Variants in NAP1L1 observed in about 807,000 individuals in gnomAD.
NAP1L1 encodes the protein nucleosome assembly protein 1 like 1.
In NAP1L1, 9 loss-of-function variants were observed where a neutral mutation model predicts 58.9. That is an observed-to-expected ratio of 0.15 (90% CI 0.09 to 0.27). The LOEUF (loss-of-function observed/expected upper bound fraction) is 0.27. NAP1L1 is among the 10% of genes least tolerant of loss of function. NAP1L1 has a pLI of 1.00. For synonymous variants in NAP1L1, 130 were observed against 138.3 expected (o/e 0.94, Z 0.42); for missense variants, 302 against 458.8 (o/e 0.66, Z 3.12).
chr12:76,054,353 G>A (rs1948978724), intron 8 of NAP1L1, among the ~76,000 whole-genome samples: 1 of 152,132 alleles, frequency 6.6e-6, no homozygotes, highest in African/African-American at 2.4e-5. Flanking sequence ...GAATGGGACA[G>A]ACTGTCAGAT....
chr12:76,074,121 A>T, intron 2 of NAP1L1, 82 bp downstream of exon 2: 1 of 1,181,056 alleles, frequency 8.5e-7, no homozygotes, highest in Admixed American at 1.8e-5. Context: ...TTCATAATAT[A>T]TAATTCATAC....
chr12:76,066,760 C>G (rs1359470123), intron 4 of NAP1L1, among the ~76,000 whole-genome samples: 1 of 152,076 alleles, frequency 6.6e-6, no homozygotes, highest in Non-Finnish European at 1.5e-5. Context: ...GGCTTCCACA[C>G]TCTATGTAGG....
rs561129547 is a variant in NAP1L1, at chr12:76,036,918, C to CA, written c.*11510dup. ...TGAAACCCCGTCTCTACTAAAAATA[C>CA]AAAAAAAAAAAAAACCCACAGCGCC... is the stretch of plus-strand genomic sequence containing the variant. On this transcript the variant is annotated 3_prime_UTR_variant, in exon 15 of 15. Transcript: ENST00000618691. The CA allele has an allele frequency of 0.06, 7,165 of 118,934 alleles. 451 individuals are homozygous for CA. Among genetic ancestry groups the CA allele is most frequent in the African/African-American group, 0.18 (5,948 of 33,740 alleles). The allele number at this position is 118,934 out of a possible 1,614,324, so 7.4% of individuals were successfully genotyped here.
chr12:76,057,240 A>G, intron 6 of NAP1L1: 1 of 254,386 alleles, frequency 3.9e-6, no homozygotes, highest in South Asian at 4.8e-5. Context: ...CAGTGAGCCA[A>G]GATCATGCCA....
At chr12:76,060,509 T>C (rs1239161827) in intron 4 of NAP1L1, among the ~76,000 whole-genome samples, 1 of 152,366 alleles carries the variant, frequency 6.6e-6, no homozygotes, top group East Asian at 1.9e-4. Context: ...ATGTAAATCA[T>C]ATTGTCAACC....
At chr12:76,084,221 G>A (rs1950522529) in intron 1 of NAP1L1, 1 of 152,264 alleles carries the variant, frequency 6.6e-6, no homozygotes, top group South Asian at 2.1e-4. Flanking sequence ...CGGTCCTCGC[G>A]GCGCAGCCGA....
intron 6 of NAP1L1, chr12:76,057,400 A>AT (rs1949160819): frequency 2.2e-6 from 1 of 463,246 alleles, no homozygotes; most frequent in African/African-American, 2.0e-5. Flanking sequence ...AAAAGGAAAA[A>AT]TATTTCCTAG....
rs1948735395 is a variant in NAP1L1 at position 76,049,777 on chromosome 12, T to C, written c.1068A>G (p.Glu356=). 6.2e-7 allele frequency: 1 copy of C among 1,612,944 alleles called. No individual in the cohort carries two copies. The highest frequency in any genetic ancestry group is 1.3e-5 in the African/African-American group (1 of 75,000). Reference sequence around the variant, plus strand: ...TTACCTCATCCGCTTCTTCACCTTCTTCATCATACTGAAAAGGAAAAACAG... The same window carrying C: ...TTACCTCATCCGCTTCTTCACCTTCCTCATCATACTGAAAAGGAAAAACAG... The part of the protein sequence containing the change: ...AIEDDDDDYD[E]EGEEADEEGE... Residue 356 remains glutamate (E), a synonymous_variant, in exon 13 of 15, where the codon GAA becomes GAG. Coordinates refer to ENST00000618691, the MANE Select transcript of NAP1L1 (RefSeq NM_004537.7).
intron 1 of NAP1L1, among the ~76,000 whole-genome samples, chr12:76,075,747 A>G (rs920543030): frequency 1.3e-5 from 2 of 152,224 alleles, no homozygotes; most frequent in Admixed American, 6.5e-5. Flanking sequence ...TGTCTACCAC[A>G]TCATCAATAA....
chr12:76,079,611 A>T (rs1225507377), intron 1 of NAP1L1, among the ~76,000 whole-genome samples: 1 of 152,236 alleles, frequency 6.6e-6, no homozygotes, highest in Non-Finnish European at 1.5e-5. Context: ...ACTTTATAAT[A>T]AAAGGTTCAT....
Position 76,055,012 on chromosome 12 carries a change from C to T in NAP1L1, c.630+7G>A. 2 of 1,590,556 alleles carry T rather than the reference C, an allele frequency of 1.3e-6. No homozygotes were observed. The highest frequency in any genetic ancestry group is 1.1e-5 in the South Asian group (1 of 87,466). On this transcript the variant is annotated splice_region_variant and intron_variant, in intron 8 of 14. Coordinates refer to ENST00000618691, the MANE Select transcript of NAP1L1 (RefSeq NM_004537.7). The stretch of plus-strand genomic sequence containing the variant: ...ACAAAATTATAAATATTTCAAAGTT[C>T]TTTTACCATAGGCTGGCCAGCATCT...
At chr12:76,050,718 G>T in intron 11 of NAP1L1, 65 bp from the exon 12 acceptor site, 1 of 1,539,980 alleles carries the variant, frequency 6.5e-7, no homozygotes, top group Non-Finnish European at 8.8e-7. Flanking sequence ...TTTGGCACAT[G>T]TAAGACTCTT....
At position 76,053,265 on chromosome 12, in the gene NAP1L1, G is replaced by A. The variant is rs960661050; in HGVS notation, c.856C>T (p.Arg286Cys). 5 of 1,613,862 alleles carry A rather than the reference G, an allele frequency of 3.1e-6. No homozygotes were observed. The highest frequency in any genetic ancestry group is 1.3e-5 in the African/African-American group (1 of 74,920). The change falls in exon 10 of 15, where the codon CGT (arginine) becomes TGT (cysteine). Residue 286 changes from arginine (R) to cysteine (C), a missense_variant. Coordinates refer to ENST00000618691, the MANE Select transcript of NAP1L1 (RefSeq NM_004537.7). ...TTGGAAACTGTTTTAGTCACAGTAC[G>A]AACTGTCCCACGTCCCTTGTGTTTC... The part of the protein sequence containing the change: ...KQKHKGRGTV[R>C]TVTKTVSNDS...
rs189943005 is a variant in NAP1L1, at chr12:76,073,158, T to G, written c.17+1045A>C. Among the ~76,000 whole-genome samples, 347 of 152,088 alleles carry G rather than the reference T, an allele frequency of 2.3e-3. 1 individual carries two copies. The highest frequency in any genetic ancestry group is 3.6e-3 in the Non-Finnish European group (245 of 67,972). ...CAGAATGCATAAGTCACTCATCTGT[T>G]TTTTTTTAATGCTGAAGATAAAATG... On this transcript the variant is annotated intron_variant, in intron 2 of 14. Coordinates refer to ENST00000618691, the MANE Select transcript of NAP1L1 (RefSeq NM_004537.7).
Position 76,050,651 on chromosome 12 carries a change from A to T in NAP1L1, c.939T>A (p.Asp313Glu), listed in dbSNP as rs375560258. 6.3e-7 allele frequency: 1 copy of T among 1,595,602 alleles called. No individual in the cohort carries two copies. Among genetic ancestry groups the T allele is most frequent in the African/African-American group, 1.4e-5 (1 of 73,686 alleles). ...CAGCAAGGATAGCTTCAGCATCATC[A>T]TCCTATTTTTAAAGGAAAACAAAAG... is the stretch of plus-strand genomic sequence containing the variant. Reference protein sequence around the residue: ...PPEVPESGDLDDDAEAILAAD... With the variant: ...PPEVPESGDLEDDAEAILAAD... The change falls in exon 12 of 15, where the codon GAT (aspartate) becomes GAA (glutamate). Residue 313 changes from aspartate (D) to glutamate (E), a missense_variant and splice_region_variant. Asp to Glu is a conservative substitution (Grantham distance 45). Coordinates refer to ENST00000618691, the MANE Select transcript of NAP1L1 (RefSeq NM_004537.7).
rs1871070680 is a variant in NAP1L1, at chr12:76,037,338, A to C, written c.*11091T>G. 1 of 152,222 alleles carries C rather than the reference A, an allele frequency of 6.6e-6. No homozygotes were observed. The highest frequency in any genetic ancestry group is 1.5e-5 in the Non-Finnish European group (1 of 68,052). The allele number at this position is 152,222 out of a possible 1,614,324, so 9.4% of individuals were successfully genotyped here. On this transcript the variant is annotated 3_prime_UTR_variant, in exon 15 of 15. Coordinates refer to ENST00000618691, the MANE Select transcript of NAP1L1 (RefSeq NM_004537.7). The stretch of plus-strand genomic sequence containing the variant: ...TAACAGCTTAAAGCAAGTGCTTTAT[A>C]ATGAGTGCTTAGCGCTTTTTTTTAA...
intron 11 of NAP1L1, 125 bp downstream of exon 11, chr12:76,052,966 C>G (rs1056656740): frequency 8.0e-6 from 6 of 750,916 alleles, no homozygotes. Context: ...TCCAAAAAGT[C>G]TGCCCCATGC....
Position 76,072,713 on chromosome 12 carries a change from T to C in NAP1L1, c.17+1490A>G, listed in dbSNP as rs538604684. Among the ~76,000 whole-genome samples the C allele has an allele frequency of 3.7e-4, 56 of 152,302 alleles. 1 individual carries two copies. The highest frequency in any genetic ancestry group is 3.4e-3 in the Middle Eastern group (1 of 294). On this transcript the variant is annotated intron_variant, in intron 2 of 14. Coordinates refer to ENST00000618691, the MANE Select transcript of NAP1L1 (RefSeq NM_004537.7). ...TTCTTAATTATCACACACAAATGGT[T>C]AGTTACAATGACTCTGAACTTCAAC...
intron 4 of NAP1L1, among the ~76,000 whole-genome samples, chr12:76,064,372 A>C (rs1279919787): frequency 1.3e-5 from 2 of 152,236 alleles, no homozygotes; most frequent in Non-Finnish European, 2.9e-5. Context: ...AATAAAGAGA[A>C]GCTGAACAAT....
Sources: gnomAD v4.1 joint callset for allele counts (sites outside exome capture counted in the v4.1 genomes callset) on GRCh38, gnomAD v4.1.1 for gene constraint, MANE v1.5 for transcripts, NCBI Gene and HGNC (gene_info 2026-07-23, HGNC 2026-07-21) for gene names.